Variants in MVB12B observed in about 807,000 individuals in gnomAD.
The protein encoded by MVB12B is multivesicular body subunit 12B.
In MVB12B, 16 loss-of-function variants were observed where a neutral mutation model predicts 41.6. The ratio of observed to expected loss-of-function variants is 0.38; its 90% CI spans 0.26 to 0.58. The LOEUF is 0.58. Among genes scored for constraint, MVB12B ranks in the 20% least tolerant of loss-of-function variants. The pLI, the probability that MVB12B is intolerant of heterozygous loss-of-function variation, is 0.62. For missense variants in MVB12B, 274 were observed against 380.2 expected, an observed-to-expected ratio of 0.72 and a Z score of 2.32; for synonymous variants, 133 against 139.7, an observed-to-expected ratio of 0.95 and a Z score of 0.34.
chr9:126,466,315 G>A (rs1833196930), intron 7 of MVB12B, among the ~76,000 whole-genome samples: 1 of 152,070 alleles, frequency 6.6e-6, no homozygotes, highest in African/African-American at 2.4e-5. Context: ...TGTGTACTTG[G>A]CCGACCCAGC....
intron 7 of MVB12B, among the ~76,000 whole-genome samples, chr9:126,476,665 A>G (rs528137617): frequency 1.3e-5 from 2 of 152,234 alleles, no homozygotes; most frequent in East Asian, 3.9e-4. Flanking sequence ...TCACAAGGTC[A>G]GGAGATCGAG....
intron 2 of MVB12B, among the ~76,000 whole-genome samples, chr9:126,380,337 T>A (rs1479694879): frequency 2.0e-5 from 3 of 152,122 alleles, no homozygotes; most frequent in African/African-American, 7.2e-5. Context: ...CCAGCCCCAG[T>A]CTAGGTCACA....
chr9:126,426,703 G>A (rs1365768983), intron 7 of MVB12B, among the ~76,000 whole-genome samples: 1 of 152,162 alleles, frequency 6.6e-6, no homozygotes, highest in African/African-American at 2.4e-5. Flanking sequence ...TGGAAGTGAG[G>A]AAACACAAGT....
intron 4 of MVB12B, among the ~76,000 whole-genome samples, chr9:126,390,306 G>T (rs1247806413): frequency 6.6e-6 from 1 of 152,206 alleles, no homozygotes; most frequent in African/African-American, 2.4e-5. Context: ...ACATCCCTGT[G>T]GGGTGGGTTT....
chr9:126,417,466 G>A (rs1831862146), intron 6 of MVB12B, among the ~76,000 whole-genome samples: 1 of 152,144 alleles, frequency 6.6e-6, no homozygotes, highest in South Asian at 2.1e-4. Context: ...CCATAATGGA[G>A]AGAGGTGAGA....
At chr9:126,411,748 A>C (rs1307695513) in intron 6 of MVB12B, among the ~76,000 whole-genome samples, 1 of 150,628 alleles carries the variant, frequency 6.6e-6, no homozygotes, top group East Asian at 2.0e-4. Flanking sequence ...AGAAAACCAC[A>C]ACTGAAAATA....
intron 6 of MVB12B, among the ~76,000 whole-genome samples, chr9:126,419,706 C>T (rs1316392115): frequency 6.6e-6 from 1 of 152,200 alleles, no homozygotes; most frequent in African/African-American, 2.4e-5. Flanking sequence ...TGCAGCTGCT[C>T]CTCACCCTCG....
At chr9:126,502,721 A>G (rs1588218784) in intron 9 of MVB12B, among the ~76,000 whole-genome samples, 1 of 152,290 alleles carries the variant, frequency 6.6e-6, no homozygotes, top group African/African-American at 2.4e-5. Context: ...CGGAGCCAGC[A>G]TATCAGGGGT....
At chr9:126,429,789 A>AC (rs886292749) in intron 7 of MVB12B, among the ~76,000 whole-genome samples, 4 of 152,222 alleles carry the variant, frequency 2.6e-5, no homozygotes, top group African/African-American at 9.6e-5. Context: ...AGGCAGACAC[A>AC]CAGGGCACTT....
intron 7 of MVB12B, among the ~76,000 whole-genome samples, chr9:126,443,151 A>C (rs1321171475): frequency 1.3e-5 from 2 of 152,162 alleles, no homozygotes; most frequent in African/African-American, 2.4e-5. Context: ...ATGGGTGTTC[A>C]GCACAGTGGA....
intron 6 of MVB12B, among the ~76,000 whole-genome samples, chr9:126,404,327 G>C (rs1831355827): frequency 6.6e-6 from 1 of 152,238 alleles, no homozygotes; most frequent in Non-Finnish European, 1.5e-5. Context: ...TGAGGAAACT[G>C]AGGGTGAGGA....
chr9:126,501,954 G>A (rs570434768), intron 9 of MVB12B, among the ~76,000 whole-genome samples: 1 of 152,068 alleles, frequency 6.6e-6, no homozygotes, highest in Non-Finnish European at 1.5e-5. Context: ...GACCCCTGCC[G>A]TGTTCCTGAG....
chr9:126,396,596 G>A (rs2119011128), intron 6 of MVB12B: 1 of 985,446 alleles, frequency 1.0e-6, no homozygotes, highest in African/African-American at 1.7e-5. Context: ...CATACCACCA[G>A]CTCTCTGTAC....
chr9:126,350,127 A>G (rs1829708141), intron 2 of MVB12B, among the ~76,000 whole-genome samples: 1 of 152,142 alleles, frequency 6.6e-6, no homozygotes, highest in African/African-American at 2.4e-5. Context: ...CTTATTTGCC[A>G]TCTGTATGTC....
chr9:126,490,688 T>C (rs143213380), intron 9 of MVB12B, among the ~76,000 whole-genome samples: 2 of 152,338 alleles, frequency 1.3e-5, no homozygotes, highest in African/African-American at 4.8e-5. Flanking sequence ...CCGCTTAAAA[T>C]TGACAAGGGA....
chr9:126,496,549 G>A (rs1371879502), intron 9 of MVB12B, among the ~76,000 whole-genome samples: 1 of 148,558 alleles, frequency 6.7e-6, no homozygotes, highest in Non-Finnish European at 1.5e-5. Flanking sequence ...CAGCTGCCCT[G>A]AGCATGAGGA....
Position 126,504,684 on chromosome 9 carries a change from C to G in MVB12B, c.*1421C>G, listed in dbSNP as rs144714641. The G allele has an allele frequency of 6.5e-6, 1 of 152,798 alleles. No individual in the cohort carries two copies. The highest frequency in any genetic ancestry group is 1.5e-5 in the Non-Finnish European group (1 of 68,168). 9.5% of individuals were successfully genotyped at this position (152,798 alleles called of 1,614,324 possible). ...TGCCCCTGCACCAGCCCCTCCGTCT[C>G]CAGGCCCCAGGCCTCTTTGTGGACC... On this transcript the variant is annotated 3_prime_UTR_variant, in exon 10 of 10. Coordinates refer to ENST00000361171, the MANE Select transcript of MVB12B (RefSeq NM_033446.3).
chr9:126,465,303 C>A (rs1833176279), intron 7 of MVB12B, among the ~76,000 whole-genome samples: 1 of 152,182 alleles, frequency 6.6e-6, no homozygotes, highest in African/African-American at 2.4e-5. Flanking sequence ...GCTTCTCAAA[C>A]CTAGTTGCAC....
At chr9:126,429,888 G>C (rs1194318035) in intron 7 of MVB12B, among the ~76,000 whole-genome samples, 1 of 152,148 alleles carries the variant, frequency 6.6e-6, no homozygotes, top group African/African-American at 2.4e-5. Flanking sequence ...ACCCTGAGCT[G>C]GGCTCTGGGT....
Sources: allele counts gnomAD v4.1 joint callset (sites outside exome capture counted in the v4.1 genomes callset), GRCh38; gene constraint gnomAD v4.1.1; transcripts MANE v1.5; gene names NCBI Gene and HGNC (gene_info 2026-07-23, HGNC 2026-07-21).